PIGK: variants seen among roughly 807,000 people sequenced by gnomAD.
The protein encoded by PIGK is GPI-anchor transamidase.
Under a neutral mutation model 50.6 loss-of-function variants are expected in PIGK, and 42 were observed. That is an observed-to-expected ratio of 0.83 (90% confidence interval 0.65 to 1.07). The LOEUF (loss-of-function observed/expected upper bound fraction) is 1.07, where lower values mean the gene tolerates loss of function less well. Among genes scored for constraint, PIGK ranks in the 50% least tolerant of loss-of-function variants. The probability of loss-of-function intolerance (pLI) is 0.00; values close to 1 mark genes in which losing one functional copy is unlikely to be tolerated. For synonymous variants in PIGK, 151 were observed against 156.0 expected (o/e 0.97, Z 0.24); for missense variants, 448 against 488.7 (o/e 0.92, Z 0.78).
chr1:77,154,418 T>A, intron 9 of PIGK, 31 bp downstream of exon 9: 2 of 1,510,108 alleles, frequency 1.3e-6, no homozygotes, highest in Non-Finnish European at 1.8e-6. Context: ...GAGACTAGTA[T>A]TCTATTCAAA....
intron 9 of PIGK, among the ~76,000 whole-genome samples, chr1:77,130,682 T>C: frequency 6.6e-6 from 1 of 152,202 alleles, no homozygotes; most frequent in Non-Finnish European, 1.5e-5. Context: ...TCCTTAGTCA[T>C]CCAAATGGCT....
chr1:77,136,270 C>T (rs1159373512), intron 9 of PIGK, among the ~76,000 whole-genome samples: 1 of 152,088 alleles, frequency 6.6e-6, no homozygotes, highest in Non-Finnish European at 1.5e-5. Flanking sequence ...TGGCTCACGC[C>T]TGTAATCCCA....
At chr1:77,098,143 T>C (rs1214826495) in intron 10 of PIGK, among the ~76,000 whole-genome samples, 1 of 152,024 alleles carries the variant, frequency 6.6e-6, no homozygotes, top group East Asian at 1.9e-4. Context: ...CTGTAAACAA[T>C]GGATTAGCAT....
chr1:77,194,082 A>T (rs1655974518), intron 3 of PIGK, among the ~76,000 whole-genome samples: 1 of 152,226 alleles, frequency 6.6e-6, no homozygotes, highest in African/African-American at 2.4e-5. Flanking sequence ...ATAGGAAAAA[A>T]TGCTCAGCAT....
intron 10 of PIGK, among the ~76,000 whole-genome samples, chr1:77,110,955 C>T (rs542094467): frequency 6.6e-6 from 1 of 152,276 alleles, no homozygotes; most frequent in South Asian, 2.1e-4. Context: ...AGGATATGAA[C>T]AGACACTTCT....
intron 9 of PIGK, among the ~76,000 whole-genome samples, chr1:77,152,686 CAAAA>C (rs1404328081): frequency 6.7e-6 from 1 of 150,266 alleles, no homozygotes; most frequent in African/African-American, 2.4e-5. Flanking sequence ...AACAAAAAAA[CAAAA>C]AAACAAAAAA....
chr1:77,097,880 T>TA (rs1426932812), intron 10 of PIGK, among the ~76,000 whole-genome samples: 3 of 151,724 alleles, frequency 2.0e-5, no homozygotes, highest in African/African-American at 4.8e-5. Context: ...CAATAACAAT[T>TA]AAAAAAAACT....
intron 10 of PIGK, among the ~76,000 whole-genome samples, chr1:77,110,829 C>T (rs577221016): frequency 6.6e-6 from 1 of 152,174 alleles, no homozygotes; most frequent in Admixed American, 6.5e-5. Context: ...AGGCAACCTA[C>T]AGAGTGGGAG....
intron 1 of PIGK, among the ~76,000 whole-genome samples, chr1:77,217,718 A>G (rs1656603027): frequency 6.6e-6 from 1 of 152,208 alleles, no homozygotes; most frequent in African/African-American, 2.4e-5. Flanking sequence ...AACAGTACAA[A>G]CCATACACGG....
chr1:77,110,819 A>G (rs1318814284), intron 10 of PIGK, among the ~76,000 whole-genome samples: 1 of 152,234 alleles, frequency 6.6e-6, no homozygotes, highest in Non-Finnish European at 1.5e-5. Flanking sequence ...CAGAGTGAAC[A>G]GGCAACCTAC....
At chr1:77,136,320 G>C (rs948167849) in intron 9 of PIGK, among the ~76,000 whole-genome samples, 4 of 151,830 alleles carry the variant, frequency 2.6e-5, no homozygotes, top group Non-Finnish European at 2.9e-5. Flanking sequence ...ACGAGGTCAG[G>C]AGATCGAGAC....
chr1:77,200,507 T>C (rs1016660551), intron 3 of PIGK, among the ~76,000 whole-genome samples: 1 of 152,082 alleles, frequency 6.6e-6, no homozygotes, highest in African/African-American at 2.4e-5. Context: ...CTAATATCTA[T>C]AGACTGTCAT....
chr1:77,164,009 A>G (rs1655183023), intron 5 of PIGK, 67 bp from the exon 6 acceptor site: 3 of 771,930 alleles, frequency 3.9e-6, no homozygotes, highest in East Asian at 5.4e-5. Flanking sequence ...AGATATATAC[A>G]TTTACTTCAT....
intron 9 of PIGK, 83 bp downstream of exon 9, chr1:77,154,366 T>G: frequency 1.0e-6 from 1 of 989,262 alleles, no homozygotes; most frequent in Non-Finnish European, 1.5e-6. Context: ...AACACCAACT[T>G]TTGCCTCTTA....
intron 10 of PIGK, among the ~76,000 whole-genome samples, chr1:77,119,843 C>T (rs1260706701): frequency 1.3e-5 from 2 of 151,920 alleles, no homozygotes; most frequent in Non-Finnish European, 2.9e-5. Flanking sequence ...AAGAGGTGGT[C>T]CTGGCTTTCA....
At chr1:77,138,111 A>T (rs1243937699) in intron 9 of PIGK, among the ~76,000 whole-genome samples, 1 of 152,206 alleles carries the variant, frequency 6.6e-6, no homozygotes, top group Admixed American at 6.5e-5. Context: ...ACTGTGAATA[A>T]GATAAACTTC....
At chr1:77,148,263 A>G (rs1417148687) in intron 9 of PIGK, among the ~76,000 whole-genome samples, 5 of 152,210 alleles carry the variant, frequency 3.3e-5, no homozygotes, top group Non-Finnish European at 5.9e-5. Context: ...TATTTATAGC[A>G]TCTATGTAAA....
At chr1:77,186,024 T>C (rs1655730117) in intron 3 of PIGK, among the ~76,000 whole-genome samples, 1 of 152,150 alleles carries the variant, frequency 6.6e-6, no homozygotes. Flanking sequence ...ATAAAGTAGG[T>C]CATGCACAGC....
intron 3 of PIGK, among the ~76,000 whole-genome samples, chr1:77,177,597 A>C (rs1305399102): frequency 6.6e-6 from 1 of 152,202 alleles, no homozygotes; most frequent in Non-Finnish European, 1.5e-5. Context: ...ATATGTGGGT[A>C]AATCTCTGTT....
Sources: gnomAD v4.1 joint callset for allele counts (sites outside exome capture counted in the v4.1 genomes callset) on GRCh38, gnomAD v4.1.1 for gene constraint, MANE v1.5 for transcripts, NCBI Gene and HGNC (gene_info 2026-07-23, HGNC 2026-07-21) for gene names.